BCHE: variants seen among roughly 807,000 people sequenced by gnomAD.
BCHE encodes butyrylcholinesterase, also known as cholinesterase.
A neutral mutation model predicts 51.3 loss-of-function variants in BCHE; 48 were observed. That is an observed-to-expected ratio of 0.94 (90% CI 0.74 to 1.19). BCHE has a LOEUF of 1.19. Among genes scored for constraint, BCHE ranks in the 50% most tolerant of loss-of-function variants. BCHE has a pLI of 0.00. For missense variants in BCHE, 847 were observed against 708.2 expected (o/e 1.20, Z -2.23); for synonymous variants, 251 against 238.0 (o/e 1.05, Z -0.50).
chr3:165,791,673 C>T (rs926892189), intron 2 of BCHE, among the ~76,000 whole-genome samples: 1 of 152,130 alleles, frequency 6.6e-6, no homozygotes, highest in African/African-American at 2.4e-5. Context: ...GAGTTCACAG[C>T]TGGGCATGAT....
chr3:165,818,372 C>G (rs1211692001), intron 2 of BCHE, among the ~76,000 whole-genome samples: 1 of 151,938 alleles, frequency 6.6e-6, no homozygotes, highest in African/African-American at 2.4e-5. Context: ...TATTTAACTA[C>G]TGTTTTTCTG....
chr3:165,792,306 T>A (rs985942699), intron 2 of BCHE, among the ~76,000 whole-genome samples: 4 of 152,030 alleles, frequency 2.6e-5, no homozygotes, highest in African/African-American at 9.7e-5. Flanking sequence ...ATAAAAAAAA[T>A]CTAAGTAACG....
intron 2 of BCHE, among the ~76,000 whole-genome samples, chr3:165,799,414 A>T (rs1713554524): frequency 6.6e-6 from 1 of 152,174 alleles, no homozygotes; most frequent in Non-Finnish European, 1.5e-5. Context: ...AGTGTCTAAT[A>T]TGCAATGAGG....
At chr3:165,775,662 C>T (rs1009377116) in intron 3 of BCHE, among the ~76,000 whole-genome samples, 1 of 151,688 alleles carries the variant, frequency 6.6e-6, no homozygotes, top group South Asian at 2.1e-4. Flanking sequence ...CACTGATTTA[C>T]ATAAATTTAC....
intron 2 of BCHE, among the ~76,000 whole-genome samples, chr3:165,792,072 T>A (rs1465072237): frequency 1.3e-5 from 2 of 152,184 alleles, no homozygotes; most frequent in African/African-American, 4.8e-5. Context: ...TTGTAGTTAC[T>A]CTTGATTTTA....
chr3:165,829,090 AC>A (rs1432614123), intron 2 of BCHE, among the ~76,000 whole-genome samples: 1 of 152,136 alleles, frequency 6.6e-6, no homozygotes, highest in Non-Finnish European at 1.5e-5. Flanking sequence ...GAGATACATT[AC>A]TTCATGTATC....
Position 165,829,793 on chromosome 3 carries a change from C to T in BCHE, c.1241G>A (p.Arg414His), listed in dbSNP as rs778566503. ...WVDDQRPENYREALGDVVGDY... is the reference protein window; with the variant it reads ...WVDDQRPENYHEALGDVVGDY... Reference sequence around the variant, plus strand: ...CCCAACAACATCACCCAAGGCCTCACGGTAGTTTTCAGGTCTCTGATCATC... The same window carrying T: ...CCCAACAACATCACCCAAGGCCTCATGGTAGTTTTCAGGTCTCTGATCATC... The change falls in exon 2 of 4, where the codon CGT becomes CAT. Residue 414 changes from arginine to histidine, a missense_variant. Coordinates refer to ENST00000264381, the MANE Select transcript of BCHE (RefSeq NM_000055.4). The T allele has an allele frequency of 3.7e-6, 6 of 1,613,714 alleles. No homozygotes were observed. Among genetic ancestry groups the T allele is most frequent in the South Asian group, 1.1e-5 (1 of 91,080 alleles).
At chr3:165,821,185 A>C (rs554456070) in intron 2 of BCHE, among the ~76,000 whole-genome samples, 1 of 152,054 alleles carries the variant, frequency 6.6e-6, no homozygotes, top group East Asian at 1.9e-4. Flanking sequence ...AGAGACCTCT[A>C]AGAATTGTAT....
At position 165,837,169 on chromosome 3, in the gene BCHE, G is replaced by T; in HGVS notation, c.-9+145C>A. The T allele has an allele frequency of 7.6e-6, 3 of 395,834 alleles. 1 individual carries two copies. The highest frequency in any genetic ancestry group is 4.3e-5 in the South Asian group (2 of 46,646). 24.5% of individuals were successfully genotyped at this position (395,834 alleles called of 1,614,324 possible). The stretch of plus-strand genomic sequence containing the variant: ...ATGTGCCTGCTGGCTCACTTCCTCT[G>T]TCCCATTTGCAAGCTTCAGTAACTG... On this transcript the variant is annotated intron_variant, in intron 1 of 3. Coordinates refer to ENST00000264381, the MANE Select transcript of BCHE (RefSeq NM_000055.4).
chr3:165,794,552 A>G (rs1173886561), intron 2 of BCHE, among the ~76,000 whole-genome samples: 1 of 152,178 alleles, frequency 6.6e-6, no homozygotes, highest in Non-Finnish European at 1.5e-5. Flanking sequence ...GTGTCCTCAC[A>G]TAGTAGAAGG....
intron 2 of BCHE, among the ~76,000 whole-genome samples, chr3:165,809,262 G>C (rs539265387): frequency 1.3e-5 from 2 of 152,198 alleles, no homozygotes; most frequent in East Asian, 3.9e-4. Context: ...ACAACATTAA[G>C]CCAATATAAG....
rs565872003 is a variant in BCHE, at chr3:165,831,227, GA to G, written c.-8-187del. ...CAGAGATATTTTAGTTTTCAATTTA[GA>G]AAAAAAAATAGTGGAATGGAAAATA... On this transcript the variant is annotated intron_variant, in intron 1 of 3. Transcript: ENST00000264381. Among the ~76,000 whole-genome samples, 288 of 150,112 alleles carry G rather than the reference GA, an allele frequency of 1.9e-3. 1 individual carries two copies. Among genetic ancestry groups the G allele is most frequent in the Middle Eastern group, 0.01 (3 of 290 alleles).
At chr3:165,791,291 T>C (rs890833819) in intron 2 of BCHE, among the ~76,000 whole-genome samples, 2 of 151,760 alleles carry the variant, frequency 1.3e-5, no homozygotes, top group African/African-American at 2.4e-5. Flanking sequence ...CAAGACTCCA[T>C]CTTGGGGGGC....
chr3:165,784,593 G>T (rs1430910200), intron 3 of BCHE, among the ~76,000 whole-genome samples: 1 of 151,866 alleles, frequency 6.6e-6, no homozygotes, highest in Non-Finnish European at 1.5e-5. Flanking sequence ...GCAGCAGCTG[G>T]CAAAAACTTT....
chr3:165,797,931 A>T (rs2108211830), intron 2 of BCHE, among the ~76,000 whole-genome samples: 1 of 152,306 alleles, frequency 6.6e-6, no homozygotes, highest in Non-Finnish European at 1.5e-5. Flanking sequence ...TTTAATTGTG[A>T]TGTTTTTCTT....
chr3:165,835,374 G>T (rs1715153302), intron 1 of BCHE, among the ~76,000 whole-genome samples: 2 of 151,764 alleles, frequency 1.3e-5, no homozygotes, highest in East Asian at 1.9e-4. Context: ...GACAAGCCAA[G>T]AATTTTTAAA....
chr3:165,802,628 G>GT (rs57147802), intron 2 of BCHE, among the ~76,000 whole-genome samples: 12,454 of 136,912 alleles, frequency 0.091, 522 homozygotes, highest in African/African-American at 0.12. Context: ...AGGAAAATTT[G>GT]TTTTTTTTTT....
rs143323849 is a variant in BCHE, at chr3:165,827,099, T to C, written c.1517+2418A>G. ...GTGGATAGATTTCCAGACCTAACAG[T>C]TATCAACTTTGTTTCCACTGCCGTT... On this transcript the variant is annotated intron_variant, in intron 2 of 3. Transcript: ENST00000264381. Among the ~76,000 whole-genome samples the C allele has an allele frequency of 1.2e-4, 18 of 152,270 alleles. 1 individual carries two copies. In the East Asian group the frequency reaches 3.1e-3, roughly 26 times the overall value.
At chr3:165,799,723 G>A (rs1211395285) in intron 2 of BCHE, among the ~76,000 whole-genome samples, 1 of 151,970 alleles carries the variant, frequency 6.6e-6, no homozygotes, top group Non-Finnish European at 1.5e-5. Context: ...AATTTGTAAT[G>A]ATTAAAATGG....
Sources: gnomAD v4.1 joint callset for allele counts (sites outside exome capture counted in the v4.1 genomes callset) on GRCh38, gnomAD v4.1.1 for gene constraint, MANE v1.5 for transcripts, NCBI Gene and HGNC (gene_info 2026-07-23, HGNC 2026-07-21) for gene names.